The following ROR1 variants were observed in gnomAD, a reference collection of about 807,000 sequenced individuals.
ROR1 encodes the protein inactive tyrosine-protein kinase transmembrane receptor ROR1.
In ROR1, 19 loss-of-function variants were observed where a neutral mutation model predicts 78.8. That is an observed-to-expected ratio of 0.24 (90% CI 0.17 to 0.35). The LOEUF (loss-of-function observed/expected upper bound fraction) is 0.35, where lower values mean the gene tolerates loss of function less well. Among genes scored for constraint, ROR1 ranks in the 10% least tolerant of loss-of-function variants. The probability of loss-of-function intolerance (pLI) is 1.00; values close to 1 mark genes in which losing one functional copy is unlikely to be tolerated. For synonymous variants in ROR1, 386 were observed against 433.6 expected (o/e 0.89, Z 1.36); for missense variants, 917 against 1,177.8 (o/e 0.78, Z 3.24).
chr1:64,045,065 T>C (rs1459501749), intron 2 of ROR1, among the ~76,000 whole-genome samples: 2 of 152,232 alleles, frequency 1.3e-5, no homozygotes, highest in Non-Finnish European at 1.5e-5. Context: ...CAATCCATTA[T>C]AATTTAATAG....
intron 4 of ROR1, among the ~76,000 whole-genome samples, chr1:64,117,373 G>T (rs59878244): frequency 0.013 from 2,016 of 152,162 alleles, 42 homozygotes; most frequent in African/African-American, 0.046. Context: ...AGCCCACTTT[G>T]TAATGTTATT....
chr1:63,960,334 G>T (rs927833964), intron 1 of ROR1, among the ~76,000 whole-genome samples: 1 of 152,204 alleles, frequency 6.6e-6, no homozygotes, highest in Non-Finnish European at 1.5e-5. Context: ...GTCGAAGCAC[G>T]AGCATGCTTG....
intron 4 of ROR1, among the ~76,000 whole-genome samples, chr1:64,056,888 G>A (rs895966426): frequency 1.3e-5 from 2 of 152,076 alleles, no homozygotes; most frequent in Admixed American, 1.3e-4. Context: ...TTCTTGAGGT[G>A]TAAGAGTTAC....
intron 1 of ROR1, among the ~76,000 whole-genome samples, chr1:63,892,183 T>C (rs761113783): frequency 6.6e-6 from 1 of 152,188 alleles, no homozygotes; most frequent in Admixed American, 6.5e-5. Flanking sequence ...AAGACACAGT[T>C]CATTTCCTTG....
chr1:64,074,549 A>AAGAT (rs1647034388), intron 4 of ROR1, among the ~76,000 whole-genome samples: 1 of 152,232 alleles, frequency 6.6e-6, no homozygotes, highest in South Asian at 2.1e-4. Context: ...AGTTAAAATG[A>AAGAT]AGATCTGTGG....
rs74971621 is a variant in ROR1 at position 63,949,154 on chromosome 1, T to A, written c.92-60151T>A. Among the ~76,000 whole-genome samples, 1,404 of 151,602 alleles carry A rather than the reference T, an allele frequency of 9.3e-3. 11 individuals are homozygous for A. Among genetic ancestry groups the A allele is most frequent in the Middle Eastern group, 0.017 (5 of 292 alleles). On this transcript the variant is annotated intron_variant, in intron 1 of 8. Coordinates refer to ENST00000371079, the MANE Select transcript of ROR1 (RefSeq NM_005012.4). The stretch of plus-strand genomic sequence containing the variant: ...CCATTCCATATAAAGAAGGCAGGAG[T>A]GAGTGCTTGCACAGAAAGGGGTTAG...
chr1:63,913,417 A>G (rs1475664500), intron 1 of ROR1, among the ~76,000 whole-genome samples: 1 of 152,184 alleles, frequency 6.6e-6, no homozygotes, highest in Non-Finnish European at 1.5e-5. Context: ...AAACAAAAAC[A>G]GATTTCTTGG....
chr1:63,852,041 C>T (rs1016570265), intron 1 of ROR1, among the ~76,000 whole-genome samples: 1 of 152,246 alleles, frequency 6.6e-6, no homozygotes, highest in Non-Finnish European at 1.5e-5. Flanking sequence ...CGTAGATATT[C>T]CTATTCCAAA....
intron 1 of ROR1, among the ~76,000 whole-genome samples, chr1:63,844,336 C>G (rs1432128018): frequency 6.6e-6 from 1 of 152,158 alleles, no homozygotes. Flanking sequence ...GTCCTCCAAA[C>G]CCTGTTGCCT....
At chr1:63,858,258 A>G (rs1307492801) in intron 1 of ROR1, among the ~76,000 whole-genome samples, 2 of 152,004 alleles carry the variant, frequency 1.3e-5, no homozygotes, top group Admixed American at 1.3e-4. Flanking sequence ...TTGCTTTTTT[A>G]TTCTTTTTTC....
intron 4 of ROR1, among the ~76,000 whole-genome samples, chr1:64,119,019 C>T (rs1339012045): frequency 1.3e-5 from 2 of 152,308 alleles, no homozygotes; most frequent in African/African-American, 2.4e-5. Flanking sequence ...CTCTGGCTGG[C>T]GTAACCCAAG....
At chr1:64,092,589 C>T (rs1424540772) in intron 4 of ROR1, among the ~76,000 whole-genome samples, 1 of 152,164 alleles carries the variant, frequency 6.6e-6, no homozygotes, top group Non-Finnish European at 1.5e-5. Context: ...CTCATTCCTA[C>T]TTCAACCTGA....
intron 1 of ROR1, among the ~76,000 whole-genome samples, chr1:63,860,772 GAAA>G (rs1319567628): frequency 1.7e-5 from 2 of 116,758 alleles, no homozygotes; most frequent in East Asian, 2.5e-4. Context: ...CTGTCTCGGG[GAAA>G]AAAAAAAAAA....
chr1:64,109,990 C>A (rs1224536154), intron 4 of ROR1, among the ~76,000 whole-genome samples: 3 of 152,134 alleles, frequency 2.0e-5, no homozygotes, highest in African/African-American at 7.2e-5. Context: ...CTCTAGGAAG[C>A]CTTTGCTATA....
At chr1:64,134,184 A>G (rs1286227125) in intron 4 of ROR1, among the ~76,000 whole-genome samples, 2 of 152,210 alleles carry the variant, frequency 1.3e-5, no homozygotes, top group Non-Finnish European at 2.9e-5. Flanking sequence ...CATCTGTAGA[A>G]CAGGAATAAT....
chr1:63,954,737 C>T (rs1645967830), intron 1 of ROR1, among the ~76,000 whole-genome samples: 1 of 152,074 alleles, frequency 6.6e-6, no homozygotes, highest in Non-Finnish European at 1.5e-5. Context: ...TTATAAGTAA[C>T]CTGGAGATGA....
chr1:63,995,711 TA>T (rs1646331266), intron 1 of ROR1, among the ~76,000 whole-genome samples: 1 of 152,316 alleles, frequency 6.6e-6, no homozygotes, highest in South Asian at 2.1e-4. Flanking sequence ...TACCCACAAA[TA>T]ATTCTATATA....
At chr1:63,908,094 A>G (rs1645542351) in intron 1 of ROR1, among the ~76,000 whole-genome samples, 1 of 152,202 alleles carries the variant, frequency 6.6e-6, no homozygotes, top group Non-Finnish European at 1.5e-5. Flanking sequence ...TCCTCAGAAC[A>G]ATTCCATGTG....
chr1:63,809,665 G>C (rs1052276368), intron 1 of ROR1, among the ~76,000 whole-genome samples: 2 of 152,162 alleles, frequency 1.3e-5, no homozygotes, highest in Admixed American at 1.3e-4. Flanking sequence ...TTTAAGAATT[G>C]AGTGTTTCTC....
Sources: gnomAD v4.1 joint callset for allele counts (sites outside exome capture counted in the v4.1 genomes callset) on GRCh38, gnomAD v4.1.1 for gene constraint, MANE v1.5 for transcripts, NCBI Gene and HGNC (gene_info 2026-07-23, HGNC 2026-07-21) for gene names.